The following CYP24A1 variants were observed in gnomAD, a reference collection of about 807,000 sequenced individuals.
CYP24A1 encodes cytochrome P450 family 24 subfamily A member 1.
In CYP24A1, 68 loss-of-function variants were observed where a neutral mutation model predicts 62.4. The ratio of observed to expected loss-of-function variants is 1.09; its 90% confidence interval spans 0.90 to 1.33. The LOEUF is 1.33. CYP24A1 is among the 40% of genes most tolerant of loss of function. CYP24A1 has a pLI of 0.00. For synonymous variants in CYP24A1, 267 were observed against 253.0 expected, an observed-to-expected ratio of 1.06 and a Z score of -0.52; for missense variants, 787 against 653.0, an observed-to-expected ratio of 1.21 and a Z score of -2.24.
At chr20:54,160,433 C>T (rs1163066101) in intron 7 of CYP24A1, among the ~76,000 whole-genome samples, 2 of 152,218 alleles carry the variant, frequency 1.3e-5, no homozygotes, top group African/African-American at 2.4e-5. Context: ...CCTCCGCAGA[C>T]ATGAAGACGC....
chr20:54,145,752 G>A, the CYP24A1 span, among the ~76,000 whole-genome samples: 3 of 151,658 alleles, frequency 2.0e-5, no homozygotes, highest in African/African-American at 7.3e-5. Context: ...CCTTTCTCAC[G>A]TAATCACCAA....
chr20:54,151,632 C>T (rs750809050), downstream of CYP24A1, among the ~76,000 whole-genome samples: 8 of 151,932 alleles, frequency 5.3e-5, no homozygotes, highest in East Asian at 1.9e-4. Context: ...CTGCAACCTC[C>T]GCCTCCTGGG....
intron 4 of CYP24A1, among the ~76,000 whole-genome samples, chr20:54,168,903 C>G (rs1158807716): frequency 7.0e-6 from 1 of 143,396 alleles, no homozygotes; most frequent in East Asian, 2.1e-4. Flanking sequence ...TTCTCTGTCT[C>G]TCTCTCTTTC....
chr20:54,164,338 C>T, intron 6 of CYP24A1, 114 bp downstream of exon 6: 1 of 1,593,868 alleles, frequency 6.3e-7, no homozygotes, highest in Non-Finnish European at 8.6e-7. Context: ...CCTGTGTTTG[C>T]AAAACCTAAA....
At chr20:54,162,231 T>G (rs980855877) in intron 7 of CYP24A1, among the ~76,000 whole-genome samples, 7 of 64,402 alleles carry the variant, frequency 1.1e-4, no homozygotes, top group South Asian at 5.3e-4. Context: ...TTTTTTTTTT[T>G]TTTTTTTTTT....
chr20:54,159,450 A>C (rs569908556), intron 7 of CYP24A1, among the ~76,000 whole-genome samples: 100 of 145,416 alleles, frequency 6.9e-4, no homozygotes, highest in Middle Eastern at 3.7e-3. Context: ...ACTGGAGTGC[A>C]GTGGCACTAT....
intron 7 of CYP24A1, among the ~76,000 whole-genome samples, chr20:54,160,873 G>A (rs1262610193): frequency 6.6e-6 from 1 of 152,200 alleles, no homozygotes; most frequent in African/African-American, 2.4e-5. Flanking sequence ...GCTGATTTGA[G>A]GGGAAGTGGC....
intron 8 of CYP24A1, 25 bp downstream of exon 8, chr20:54,158,932 T>A: frequency 6.2e-7 from 1 of 1,614,194 alleles, no homozygotes; most frequent in South Asian, 1.1e-5. Flanking sequence ...AACACATTTA[T>A]ATTGGCTCAG....
Position 54,165,752 on chromosome 20 carries a change from G to T in CYP24A1, c.722C>A (p.Ala241Asp). 6.9e-7 allele frequency: 1 copy of T among 1,454,852 alleles called. No homozygotes were observed. The highest frequency in any genetic ancestry group is 1.1e-5 in the South Asian group (1 of 87,940). The allele number at this position is 1,454,852 out of a possible 1,614,324, so 90.1% of individuals were successfully genotyped here. ...AAAGAGGCTGCTTACTGTTTTGATG[G>T]CCATGATGAAGTTCACAGCTTCATC... is the stretch of plus-strand genomic sequence containing the variant. ...AGDEAVNFIM[A>D]IKTMMSTFGR... The change falls in exon 5 of 12, where the codon GCC becomes GAC. Residue 241 changes from alanine to aspartate, a missense_variant. Ala to Asp is a moderately radical substitution (Grantham distance 126). Coordinates refer to ENST00000216862, the MANE Select transcript of CYP24A1 (RefSeq NM_000782.5).
At chr20:54,145,836 G>T in the CYP24A1 span, among the ~76,000 whole-genome samples, 1 of 152,216 alleles carries the variant, frequency 6.6e-6, no homozygotes, top group Admixed American at 6.5e-5. Flanking sequence ...TTAAAGGGAG[G>T]AATTTACACA....
chr20:54,148,809 C>T (rs187380965), downstream of CYP24A1, among the ~76,000 whole-genome samples: 455 of 152,280 alleles, frequency 3.0e-3, 1 homozygote, highest in Middle Eastern at 0.01. Flanking sequence ...CATAAATAGA[C>T]ATAAATTATA....
rs1466553649 is a variant in CYP24A1, at chr20:54,162,009, C to T, written c.990+708G>A. Among the ~76,000 whole-genome samples, 3 of 152,174 alleles carry T rather than the reference C, an allele frequency of 2.0e-5. No homozygotes were observed. The South Asian group carries it at 6.2e-4, about 32-fold the overall frequency. ...GAACTAGTATCCAAGTCAATTAAAC[C>T]TACCTGAATGCCTATGGCAGGATTT... On this transcript the variant is annotated intron_variant, in intron 7 of 11. Transcript: ENST00000216862.
Position 54,157,561 on chromosome 20 carries a change from C to G in CYP24A1, c.1261G>C (p.Val421Leu), listed in dbSNP as rs1037350837. The G allele has an allele frequency of 2.5e-6, 4 of 1,595,266 alleles. No individual in the cohort carries two copies. The highest frequency in any genetic ancestry group is 3.4e-6 in the Non-Finnish European group (4 of 1,162,994). ...KGTVLMLNTQVLGSSEDNFED... is the reference protein window; with the variant it reads ...KGTVLMLNTQLLGSSEDNFED... ...AAATTGTCTTCACTGGATCCCAACACCTGGGTATTTAGCATGAGCACTGTC... is the reference window on the plus strand; with the variant it reads ...AAATTGTCTTCACTGGATCCCAACAGCTGGGTATTTAGCATGAGCACTGTC... Residue 421 changes from valine to leucine, a missense_variant, in exon 10 of 12, where the codon GTG becomes CTG. Transcript: ENST00000216862.
At chr20:54,153,009 A>AT (rs1391759309), downstream of CYP24A1, among the ~76,000 whole-genome samples, 3 of 152,196 alleles carry the variant, frequency 2.0e-5, no homozygotes, top group Admixed American at 2.0e-4. Context: ...GTGAAATGTA[A>AT]ACTTATTCTT....
At chr20:54,162,512 T>C (rs2092655188) in intron 7 of CYP24A1, 1 of 575,180 alleles carries the variant, frequency 1.7e-6, no homozygotes, top group Non-Finnish European at 3.1e-6. Flanking sequence ...CCGTGGCGTC[T>C]GGTATGAGGC....
intron 2 of CYP24A1, chr20:54,172,019 C>G (rs2092695811): frequency 5.4e-6 from 2 of 367,470 alleles, no homozygotes; most frequent in Non-Finnish European, 1.0e-5. Flanking sequence ...ATGTGAACAC[C>G]CCATCACCAG....
downstream of CYP24A1, among the ~76,000 whole-genome samples, chr20:54,151,907 C>T (rs56808842): frequency 0.32 from 49,186 of 151,936 alleles, 8,821 homozygotes; most frequent in East Asian, 0.59. Context: ...ATGATCACAT[C>T]TACTTACAGG....
intron 3 of CYP24A1, 72 bp downstream of exon 3, chr20:54,171,505 C>T: frequency 6.2e-7 from 1 of 1,612,846 alleles, no homozygotes; most frequent in South Asian, 1.1e-5. Context: ...TTCTTTGTAG[C>T]TGTGACTTGA....
Position 54,173,655 on chromosome 20 carries a change from G to A in CYP24A1, c.-76C>T, listed in dbSNP as rs73913755. On this transcript the variant is annotated 5_prime_UTR_variant, in exon 1 of 12. Coordinates refer to ENST00000216862, the MANE Select transcript of CYP24A1 (RefSeq NM_000782.5). This position sits in a 1 kb window ranked among gnomAD's most constrained non-coding sequence, Gnocchi z 7.2. ...AGGTTGGTACGAGGTGCTAGTGGGA[G>A]TCGGGGCTTAACGATTCTGGGAAAA... is the stretch of plus-strand genomic sequence containing the variant. 12,332 of 1,004,688 alleles carry A rather than the reference G, an allele frequency of 0.012. 861 individuals are homozygous for A. The African/African-American group carries it at 0.16, about 13-fold the overall frequency. 62.2% of individuals were successfully genotyped at this position (1,004,688 alleles called of 1,614,324 possible).
Sources: allele counts gnomAD v4.1 joint callset (sites outside exome capture counted in the v4.1 genomes callset), GRCh38; gene constraint gnomAD v4.1.1; non-coding constraint Gnocchi (gnomAD v3.1); transcripts MANE v1.5; gene names NCBI Gene and HGNC (gene_info 2026-07-23, HGNC 2026-07-21).